CREBBP: variants seen among roughly 807,000 people sequenced by gnomAD.
CREBBP encodes the protein CREB binding lysine acetyltransferase.
Under a neutral mutation model 265.0 loss-of-function variants are expected in CREBBP, and 19 were observed. The observed-to-expected ratio is 0.07, with a 90% CI of 0.05 to 0.11. The LOEUF is 0.11. Ranked by LOEUF, CREBBP falls within the 10% of genes least tolerant of loss-of-function variation. The probability of loss-of-function intolerance (pLI) is 1.00; values close to 1 mark genes in which losing one functional copy is unlikely to be tolerated. For missense variants in CREBBP, 2,525 were observed against 3,219.0 expected, an observed-to-expected ratio of 0.78 and a Z score of 5.22; for synonymous variants, 1,457 against 1,223.7, an observed-to-expected ratio of 1.19 and a Z score of -3.98.
chr16:3,856,521 A>G lies in CREBBP; in HGVS notation c.86-5512T>C, dbSNP rs567475030. Among the ~76,000 whole-genome samples the G allele has an allele frequency of 5.9e-5, 9 of 152,176 alleles. No individual in the cohort carries two copies. In the South Asian group the frequency reaches 1.9e-3, roughly 32 times the overall value. ...TTTTTTGTAGAGATGGGGTCTTGCTATGTTGCCCAGGCTGGTCTCAAACTC... is the reference window on the plus strand; with the variant it reads ...TTTTTTGTAGAGATGGGGTCTTGCTGTGTTGCCCAGGCTGGTCTCAAACTC... On this transcript the variant is annotated intron_variant, in intron 1 of 30. Transcript: ENST00000262367.
At chr16:3,771,012 A>G (rs747117011) in intron 13 of CREBBP, 26 bp from the exon 14 acceptor site, 1 of 1,611,168 alleles carries the variant, frequency 6.2e-7, no homozygotes, top group Non-Finnish European at 8.5e-7. Context: ...AGAGTATGGT[A>G]AAATTATTTC....
At chr16:3,843,953 C>G (rs1483093056) in intron 2 of CREBBP, among the ~76,000 whole-genome samples, 1 of 150,992 alleles carries the variant, frequency 6.6e-6, no homozygotes, top group East Asian at 2.0e-4. Flanking sequence ...TCGAGACCAT[C>G]CCGGCTAAAA....
At position 3,778,892 on chromosome 16, in the gene CREBBP, C is replaced by T. The variant is rs183701762; in HGVS notation, c.1824-75G>A. The T allele has an allele frequency of 4.6e-3, 5,863 of 1,280,778 alleles. 23 individuals are homozygous for T. The highest frequency in any genetic ancestry group is 5.4e-3 in the Non-Finnish European group (4,804 of 892,406). The allele number at this position is 1,280,778 out of a possible 1,614,324, so 79.3% of individuals were successfully genotyped here. A position where few individuals can be genotyped will look rare whatever the true frequency, so the allele number is the denominator to read the frequency against. ...TTAAAGACATGGGGTTTCGTCCAGG[C>T]GCGGTGGCTCACGCTTGTAATCCCA... On this transcript the variant is annotated intron_variant, in intron 8 of 30. Transcript: ENST00000262367.
Position 3,850,396 on chromosome 16 carries a change from G to T in CREBBP, c.699C>A (p.Gly233=). 6.2e-7 allele frequency: 1 copy of T among 1,614,236 alleles called. No individual in the cohort carries two copies. Among genetic ancestry groups the T allele is most frequent in the Non-Finnish European group, 8.5e-7 (1 of 1,180,046 alleles). Residue 233 remains glycine (G), a synonymous_variant, in exon 2 of 31, where the codon GGC becomes GGA. Coordinates refer to ENST00000262367, the MANE Select transcript of CREBBP (RefSeq NM_004380.3). The stretch of plus-strand genomic sequence containing the variant: ...TCTCAGCCAGCACGCTGCTCGAGGC[G>T]CCCTGCATGGCTGGAGTAGGGTACG... ...GMPYPTPAMQ[G]ASSSVLAETL...
intron 13 of CREBBP, among the ~76,000 whole-genome samples, chr16:3,772,371 G>A (rs1278699780): frequency 6.9e-6 from 1 of 145,634 alleles, no homozygotes; most frequent in Non-Finnish European, 1.5e-5. Context: ...ACACACGTTA[G>A]TTACTGAAAG....
chr16:3,784,627 A>G (rs1443433449), intron 5 of CREBBP: 1 of 152,240 alleles, frequency 6.6e-6, no homozygotes, highest in Non-Finnish European at 1.5e-5. Context: ...GGGCTACACT[A>G]TATTTAACAC....
chr16:3,875,702 T>C (rs2055386764), intron 1 of CREBBP, among the ~76,000 whole-genome samples: 1 of 152,210 alleles, frequency 6.6e-6, no homozygotes, highest in Admixed American at 6.5e-5. Flanking sequence ...CTACGGACTT[T>C]AACAATCTAG....
intron 2 of CREBBP, among the ~76,000 whole-genome samples, chr16:3,835,667 C>T (rs1485734888): frequency 1.3e-5 from 2 of 150,012 alleles, no homozygotes; most frequent in Non-Finnish European, 3.0e-5. Flanking sequence ...GCAAGCTCCG[C>T]CTCCCAGGTT....
At position 3,773,764 on chromosome 16, in the gene CREBBP, G is replaced by A. The variant is rs1467582916; in HGVS notation, c.2450C>T (p.Thr817Ile). 6.2e-7 allele frequency: 1 copy of A among 1,614,034 alleles called. No homozygotes were observed. ...SVGMGQPPAQ[T>I]GVSQGQVPGA... ...GGGGCACAGTACCTGTGACACGCCT[G>A]TTTGGGCTGGCGGCTGCCCCATGCC... Residue 817 changes from threonine (T) to isoleucine (I), a missense_variant, in exon 13 of 31, where the codon ACA becomes ATA. This residue lies in a region of CREBBP where 548 missense variants were observed against 533.0 expected (regional missense o/e 1.03). Coordinates refer to ENST00000262367, the MANE Select transcript of CREBBP (RefSeq NM_004380.3).
intron 1 of CREBBP, among the ~76,000 whole-genome samples, chr16:3,872,378 C>T (rs369141375): frequency 1.3e-5 from 2 of 152,264 alleles, no homozygotes; most frequent in South Asian, 2.1e-4. Context: ...CAGGACGCCC[C>T]GGGGACTCTG....
intron 25 of CREBBP, chr16:3,739,335 T>G: frequency 1.8e-6 from 1 of 542,040 alleles, no homozygotes; most frequent in Non-Finnish European, 3.3e-6. Context: ...TTTACCTGCG[T>G]TAGGTAAGAG....
chr16:3,745,099 T>C (rs2052310131), intron 22 of CREBBP, 138 bp from the exon 23 acceptor site: 2 of 905,682 alleles, frequency 2.2e-6, no homozygotes, highest in Admixed American at 2.0e-5. Flanking sequence ...GCAGACTGCT[T>C]TGATTCCACA....
At chr16:3,815,484 C>A (rs949867292) in intron 2 of CREBBP, among the ~76,000 whole-genome samples, 1 of 141,560 alleles carries the variant, frequency 7.1e-6, no homozygotes, top group African/African-American at 2.7e-5. Flanking sequence ...GAGCTGAGAT[C>A]TTGCCACTGC....
In CREBBP at chr16:3,767,786, CCTCTTT is replaced by C; in HGVS notation, c.3178_3183del (p.Lys1060_Glu1061del). The C allele has an allele frequency of 1.9e-6, 3 of 1,614,220 alleles. No individual in the cohort carries two copies. The highest frequency in any genetic ancestry group is 1.7e-6 in the Non-Finnish European group (2 of 1,180,034). ...GTGCCGTTACTGCTACTCTCTTCTT[CCTCTTT>C]AACTTCTACTTTCACTTCAGGTTTC... On this transcript the variant is annotated inframe_deletion, in exon 16 of 31. Transcript: ENST00000262367.
chr16:3,758,537 TA>T (rs896342280), intron 17 of CREBBP, among the ~76,000 whole-genome samples: 56 of 152,284 alleles, frequency 3.7e-4, no homozygotes, highest in Admixed American at 1.1e-3. Flanking sequence ...GAAGCCCAAA[TA>T]TTTTTTTACA....
chr16:3,879,707 G>T (rs971011119), intron 1 of CREBBP, 125 bp downstream of exon 1: 11 of 1,036,430 alleles, frequency 1.1e-5, no homozygotes, highest in Non-Finnish European at 1.6e-5. Flanking sequence ...GAGGGGAACG[G>T]GCTGCGGGGC....
chr16:3,850,570 G>C lies in CREBBP; in HGVS notation c.525C>G (p.Ile175Met), dbSNP rs2054810140. Residue 175 changes from isoleucine (I) to methionine (M), a missense_variant, in exon 2 of 31, where the codon ATC becomes ATG. By Grantham distance (10) the Ile-to-Met change is conservative (BLOSUM62 1). Coordinates refer to ENST00000262367, the MANE Select transcript of CREBBP (RefSeq NM_004380.3). ...TCTGGTTAAAGTTAGCATTCATGCAGATACCAGGTCCAGTCTGTGACGTGG... is the reference window on the plus strand; with the variant it reads ...TCTGGTTAAAGTTAGCATTCATGCACATACCAGGTCCAGTCTGTGACGTGG... ...SPATSQTGPG[I>M]CMNANFNQTH... 6.2e-7 allele frequency: 1 copy of C among 1,614,268 alleles called. No individual in the cohort carries two copies.
At chr16:3,772,282 C>A (rs1358069013) in intron 13 of CREBBP, among the ~76,000 whole-genome samples, 2 of 148,744 alleles carry the variant, frequency 1.3e-5, no homozygotes, top group Admixed American at 6.7e-5. Flanking sequence ...TCCATAAGTA[C>A]CCTTAACAAT....
At chr16:3,853,957 AACAAACACACAC>A (rs1231022605) in intron 1 of CREBBP, among the ~76,000 whole-genome samples, 1 of 147,738 alleles carries the variant, frequency 6.8e-6, no homozygotes, top group African/African-American at 2.6e-5. Context: ...CAAACAAACA[AACAAACACACAC>A]ACACACACAC....
Sources: gnomAD v4.1 joint callset for allele counts (sites outside exome capture counted in the v4.1 genomes callset) on GRCh38, gnomAD v4.1.1 for gene constraint, gnomAD v4.1.1 regional missense constraint, MANE v1.5 for transcripts, NCBI Gene and HGNC (gene_info 2026-07-23, HGNC 2026-07-21) for gene names.